CNTNAP5: variants seen among roughly 807,000 people sequenced by gnomAD.
CNTNAP5 encodes the protein contactin-associated protein-like 5.
In CNTNAP5, 72 loss-of-function variants were observed where a neutral mutation model predicts 150.2. That is an observed-to-expected ratio of 0.48 (90% CI 0.40 to 0.58). CNTNAP5 has a LOEUF of 0.58. CNTNAP5 is among the 20% of genes least tolerant of loss of function. The pLI is 0.00. For synonymous variants in CNTNAP5, 672 were observed against 619.8 expected, an observed-to-expected ratio of 1.08 and a Z score of -1.25; for missense variants, 1,636 against 1,626.2, an observed-to-expected ratio of 1.01 and a Z score of -0.10.
chr2:124,438,968 G>A (rs965261443), intron 5 of CNTNAP5, among the ~76,000 whole-genome samples: 1 of 151,944 alleles, frequency 6.6e-6, no homozygotes, highest in Non-Finnish European at 1.5e-5. Flanking sequence ...CTGTAGATAT[G>A]GGATTATAAC....
chr2:124,455,948 A>G lies in CNTNAP5; in HGVS notation c.918+9011A>G, dbSNP rs186137553. ...TAAAAGCCATCTGTGACAAGCCCAC[A>G]TGCAACGTAATACTGAGTGGGGAAA... On this transcript the variant is annotated intron_variant, in intron 6 of 23. Transcript: ENST00000682447. 2.4e-3 allele frequency among the ~76,000 whole-genome samples: 368 copies of G among 152,300 alleles called. 3 individuals are homozygous for G. Among genetic ancestry groups the G allele is most frequent in the African/African-American group, 7.8e-3 (324 of 41,552 alleles).
intron 1 of CNTNAP5, among the ~76,000 whole-genome samples, chr2:124,167,098 T>A (rs1684824186): frequency 6.6e-6 from 1 of 152,204 alleles, no homozygotes; most frequent in African/African-American, 2.4e-5. Flanking sequence ...TTCTCTTCTG[T>A]AAACTATGTC....
chr2:124,248,774 A>G (rs544516134), intron 3 of CNTNAP5, among the ~76,000 whole-genome samples: 1 of 152,300 alleles, frequency 6.6e-6, no homozygotes, highest in East Asian at 1.9e-4. Context: ...GTCAATGTGT[A>G]GTCTTCAGGA....
At chr2:124,878,586 C>T (rs1677906087) in intron 21 of CNTNAP5, among the ~76,000 whole-genome samples, 2 of 152,020 alleles carry the variant, frequency 1.3e-5, no homozygotes, top group Non-Finnish European at 2.9e-5. Context: ...CTCTCCCACT[C>T]TAGGGGAATG....
At chr2:124,172,286 A>G (rs1327662728) in intron 1 of CNTNAP5, among the ~76,000 whole-genome samples, 2 of 152,206 alleles carry the variant, frequency 1.3e-5, no homozygotes, top group Admixed American at 1.3e-4. Flanking sequence ...TTGTCTGATT[A>G]TAAAAGTGAG....
At chr2:124,509,560 C>T (rs6752999) in intron 8 of CNTNAP5, among the ~76,000 whole-genome samples, 75,763 of 151,932 alleles carry the variant, frequency 0.5, 19,076 homozygotes, top group Middle Eastern at 0.59. Context: ...GGTTAGTATA[C>T]CAACATACAT....
At chr2:124,134,348 G>C (rs546113051) in intron 1 of CNTNAP5, among the ~76,000 whole-genome samples, 2 of 150,276 alleles carry the variant, frequency 1.3e-5, no homozygotes, top group Non-Finnish European at 3.0e-5. Flanking sequence ...ACACTAGTTA[G>C]CCCTTGAAAA....
chr2:124,346,881 G>T (rs1689748508), intron 3 of CNTNAP5, among the ~76,000 whole-genome samples: 1 of 135,060 alleles, frequency 7.4e-6, no homozygotes, highest in African/African-American at 2.9e-5. Context: ...GACCATCCTG[G>T]CCAACATGGT....
chr2:124,541,741 C>A (rs1695390248), intron 10 of CNTNAP5, among the ~76,000 whole-genome samples: 1 of 152,218 alleles, frequency 6.6e-6, no homozygotes, highest in Admixed American at 6.5e-5. Context: ...TAGAGGAAAG[C>A]CAACTATCGA....
At chr2:124,403,862 G>A (rs544141734) in intron 3 of CNTNAP5, among the ~76,000 whole-genome samples, 3 of 152,298 alleles carry the variant, frequency 2.0e-5, no homozygotes, top group East Asian at 3.9e-4. Flanking sequence ...CCAAACGCAC[G>A]TCTTACATGG....
At position 124,604,556 on chromosome 2, in the gene CNTNAP5, C is replaced by A. The variant is rs147753219; in HGVS notation, c.1757-5245C>A. Among the ~76,000 whole-genome samples the A allele has an allele frequency of 9.8e-3, 1,488 of 152,258 alleles. 14 individuals are homozygous for A. The highest frequency in any genetic ancestry group is 0.014 in the Non-Finnish European group (951 of 68,012). ...CATCAACCATGTAACTCGCTTTTCCCAAATAATCTTGTAGTTTAGGGAAAT... is the reference window on the plus strand; with the variant it reads ...CATCAACCATGTAACTCGCTTTTCCAAAATAATCTTGTAGTTTAGGGAAAT... On this transcript the variant is annotated intron_variant, in intron 11 of 23. Transcript: ENST00000682447.
intron 2 of CNTNAP5, among the ~76,000 whole-genome samples, chr2:124,233,560 A>T (rs1170625): frequency 0.15 from 22,592 of 152,030 alleles, 2,132 homozygotes; most frequent in East Asian, 0.35. Context: ...GTCAAGGAGG[A>T]TGGAATTACC....
chr2:124,317,774 C>G (rs1689002822), intron 3 of CNTNAP5, among the ~76,000 whole-genome samples: 1 of 152,120 alleles, frequency 6.6e-6, no homozygotes, highest in Non-Finnish European at 1.5e-5. Context: ...CACATATATT[C>G]AAATTCACAA....
At position 124,515,019 on chromosome 2, in the gene CNTNAP5, A is replaced by C. The variant is rs897972281; in HGVS notation, c.1328-9284A>C. Among the ~76,000 whole-genome samples, 6 of 152,234 alleles carry C rather than the reference A, an allele frequency of 3.9e-5. No homozygotes were observed. The East Asian group carries it at 1.2e-3, about 29-fold the overall frequency. On this transcript the variant is annotated intron_variant, in intron 8 of 23. Coordinates refer to ENST00000682447, the MANE Select transcript of CNTNAP5 (RefSeq NM_001367498.1). The stretch of plus-strand genomic sequence containing the variant: ...CACTTTCACCATCAACCACAAATGC[A>C]TCGTGAGTTCCTAACAGACCCTAGC...
chr2:124,446,982 A>G (rs745910101), intron 6 of CNTNAP5, 45 bp downstream of exon 6: 6 of 1,570,084 alleles, frequency 3.8e-6, no homozygotes, highest in South Asian at 1.2e-5. Context: ...CCTTGCTTCA[A>G]TGAACGCAGC....
chr2:124,137,552 A>G (rs1684004038), intron 1 of CNTNAP5, among the ~76,000 whole-genome samples: 1 of 152,192 alleles, frequency 6.6e-6, no homozygotes, highest in African/African-American at 2.4e-5. Context: ...TTTCAGTCAC[A>G]AATACACATG....
intron 1 of CNTNAP5, among the ~76,000 whole-genome samples, chr2:124,139,631 G>A (rs1296382123): frequency 6.6e-6 from 1 of 152,180 alleles, no homozygotes; most frequent in African/African-American, 2.4e-5. Context: ...ACCGGCGAAG[G>A]AGACTCTGAT....
At chr2:124,508,003 C>T (rs901937291) in intron 8 of CNTNAP5, among the ~76,000 whole-genome samples, 3 of 151,910 alleles carry the variant, frequency 2.0e-5, no homozygotes, top group African/African-American at 7.3e-5. Context: ...AGCTTGTGTC[C>T]AAATGGAGGG....
At chr2:124,636,703 C>T (rs1041318105) in intron 12 of CNTNAP5, among the ~76,000 whole-genome samples, 2 of 151,868 alleles carry the variant, frequency 1.3e-5, no homozygotes, top group African/African-American at 2.4e-5. Context: ...AAAGCATGTG[C>T]ATGTGAATTT....
Sources: allele counts gnomAD v4.1 joint callset (sites outside exome capture counted in the v4.1 genomes callset), GRCh38; gene constraint gnomAD v4.1.1; transcripts MANE v1.5; gene names NCBI Gene and HGNC (gene_info 2026-07-23, HGNC 2026-07-21).